The following DPH6 variants were observed in gnomAD, a reference collection of about 807,000 sequenced individuals.
DPH6 encodes the protein diphthamine biosynthesis 6.
In DPH6, 33 loss-of-function variants were observed where a neutral mutation model predicts 38.2. That is an observed-to-expected ratio of 0.86 (90% confidence interval 0.65 to 1.15). The LOEUF (loss-of-function observed/expected upper bound fraction) is 1.15. DPH6 is among the 50% of genes most tolerant of loss of function. The pLI, the probability that DPH6 is intolerant of heterozygous loss-of-function variation, is 0.00. For synonymous variants in DPH6, 108 were observed against 103.0 expected (o/e 1.05, Z -0.30); for missense variants, 325 against 320.0 (o/e 1.02, Z -0.12).
intron 3 of DPH6, among the ~76,000 whole-genome samples, chr15:35,487,658 G>T (rs2054422704): frequency 6.6e-6 from 1 of 152,252 alleles, no homozygotes; most frequent in Admixed American, 6.5e-5. Flanking sequence ...GATGGGAGGG[G>T]CTGCTGTGAA....
At chr15:35,184,857 T>C in the DPH6 span, among the ~76,000 whole-genome samples, 12 of 152,272 alleles carry the variant, frequency 7.9e-5, no homozygotes, top group African/African-American at 2.9e-4. Flanking sequence ...GGGTCAGCAT[T>C]TTACCACGCA....
chr15:35,501,740 T>A (rs1306555713), intron 3 of DPH6, among the ~76,000 whole-genome samples: 1 of 152,150 alleles, frequency 6.6e-6, no homozygotes, highest in East Asian at 1.9e-4. Context: ...ATTACCTTTC[T>A]AGAGAAAATG....
At chr15:35,288,966 A>G (rs1296003884) in intron 3 of DPH6, among the ~76,000 whole-genome samples, 1 of 152,208 alleles carries the variant, frequency 6.6e-6, no homozygotes, top group Non-Finnish European at 1.5e-5. Context: ...CCAAAAAAAG[A>G]TAGTTCTAAA....
At chr15:35,518,174 T>A (rs1362033776) in intron 3 of DPH6, among the ~76,000 whole-genome samples, 1 of 151,988 alleles carries the variant, frequency 6.6e-6, no homozygotes, top group African/African-American at 2.4e-5. Flanking sequence ...CAAACCAAAG[T>A]AAGACAAAGC....
chr15:35,501,186 CATA>C (rs767483542), intron 3 of DPH6, among the ~76,000 whole-genome samples: 112 of 152,262 alleles, frequency 7.4e-4, no homozygotes, highest in Non-Finnish European at 1.3e-3. Context: ...CCCCTAATAT[CATA>C]ATGACAATCA....
At chr15:35,436,307 A>G (rs1035883318) in intron 5 of DPH6, among the ~76,000 whole-genome samples, 1 of 151,292 alleles carries the variant, frequency 6.6e-6, no homozygotes, top group African/African-American at 2.5e-5. Context: ...TCTACTAAAA[A>G]TACAAAAAAT....
At chr15:35,469,072 A>AAAC (rs10649323) in intron 3 of DPH6, among the ~76,000 whole-genome samples, 5,782 of 149,128 alleles carry the variant, frequency 0.039, 290 homozygotes, top group African/African-American at 0.12. Context: ...CTCTGCTTCA[A>AAAC]AACAACAACA....
In DPH6 at chr15:35,371,569, A is replaced by C; in HGVS notation, c.*581T>G. ...AAAGTTTTCTAAGGTCAACATAGTT[A>C]ATACTGAAAAACAGCATTTTAAAAA... On this transcript the variant is annotated 3_prime_UTR_variant, in exon 9 of 9. Transcript: ENST00000256538. 3 of 977,834 alleles carry C rather than the reference A, an allele frequency of 3.1e-6. No homozygotes were observed. Among genetic ancestry groups the C allele is most frequent in the Non-Finnish European group, 3.6e-6 (3 of 823,080 alleles). 60.6% of individuals were successfully genotyped at this position (977,834 alleles called of 1,614,324 possible). A position where few individuals can be genotyped will look rare whatever the true frequency, so the allele number is the denominator to read the frequency against.
rs534686217 is a variant in DPH6, at chr15:35,458,687, C to T, written c.313-3867G>A. On this transcript the variant is annotated intron_variant, in intron 3 of 8. Coordinates refer to ENST00000256538, the MANE Select transcript of DPH6 (RefSeq NM_080650.4). ...GCATAAAGACAGCCAAATGAATCAC[C>T]TTGTGTCATAGCTGAAATAAAACCA... Among the ~76,000 whole-genome samples, 256 of 152,226 alleles carry T rather than the reference C, an allele frequency of 1.7e-3. 3 individuals carry two copies. In the Middle Eastern group the frequency reaches 0.017, roughly 10 times the overall value.
intron 3 of DPH6, among the ~76,000 whole-genome samples, chr15:35,268,491 T>G (rs2051798779): frequency 6.6e-6 from 1 of 151,736 alleles, no homozygotes; most frequent in African/African-American, 2.4e-5. Flanking sequence ...GTCTCCTATT[T>G]TGGGAGCCTG....
chr15:35,381,999 C>A, intron 6 of DPH6, 83 bp from the exon 7 acceptor site: 1 of 995,600 alleles, frequency 1.0e-6, no homozygotes, highest in South Asian at 1.5e-5. Context: ...ACTAAAAAAT[C>A]CATACAAAAA....
At chr15:35,237,683 C>T in intron 3 of DPH6, 1 of 1,613,662 alleles carries the variant, frequency 6.2e-7, no homozygotes, top group South Asian at 1.1e-5. Flanking sequence ...GAGCTTAGAC[C>T]TTTTCAATTG....
At chr15:35,373,693 C>T (rs1325540425) in intron 7 of DPH6, 85 bp from the exon 8 acceptor site, 2 of 1,040,718 alleles carry the variant, frequency 1.9e-6, no homozygotes, top group Admixed American at 5.1e-5. Context: ...AGAGACTAAA[C>T]ATTCTTGTTT....
intron 3 of DPH6, among the ~76,000 whole-genome samples, chr15:35,500,338 G>A (rs1462358852): frequency 6.6e-6 from 1 of 152,030 alleles, no homozygotes; most frequent in South Asian, 2.1e-4. Context: ...CTATACTCTC[G>A]CCTTGCAAAT....
intron 5 of DPH6, among the ~76,000 whole-genome samples, chr15:35,445,503 A>G (rs1217118965): frequency 4.0e-5 from 6 of 151,702 alleles, no homozygotes; most frequent in Non-Finnish European, 8.8e-5. Context: ...TTCAATACGT[A>G]TATTTGGAGA....
chr15:35,431,448 T>A lies in DPH6; in HGVS notation c.505+19237A>T, dbSNP rs184520685. 6.3e-3 allele frequency among the ~76,000 whole-genome samples: 960 copies of A among 151,988 alleles called. 5 individuals carry two copies. Among genetic ancestry groups the A allele is most frequent in the Non-Finnish European group, 9.1e-3 (619 of 67,978 alleles). On this transcript the variant is annotated intron_variant, in intron 5 of 8. Transcript: ENST00000256538. ...CGAGTGATTAAATCAGGAAAAAAAA[T>A]GTACAGATTTTGACTTTGAGTCCAG...
chr15:35,225,170 G>A (rs996756100), intron 3 of DPH6, among the ~76,000 whole-genome samples: 64 of 152,174 alleles, frequency 4.2e-4, no homozygotes, highest in Admixed American at 4.1e-3. Context: ...CTCAATCTGA[G>A]TTTATCTGAT....
At chr15:35,544,129 T>C (rs2055306463) in intron 1 of DPH6, among the ~76,000 whole-genome samples, 1 of 152,122 alleles carries the variant, frequency 6.6e-6, no homozygotes, top group Non-Finnish European at 1.5e-5. Context: ...AGGTGAGAGG[T>C]CTCACAGCTC....
chr15:35,523,561 A>G (rs994308120), intron 3 of DPH6, among the ~76,000 whole-genome samples: 2 of 152,080 alleles, frequency 1.3e-5, no homozygotes, highest in Non-Finnish European at 1.5e-5. Context: ...GATTGCAAAT[A>G]TATCTCTGAA....
Sources: gnomAD v4.1 joint callset for allele counts (sites outside exome capture counted in the v4.1 genomes callset) on GRCh38, gnomAD v4.1.1 for gene constraint, MANE v1.5 for transcripts, NCBI Gene and HGNC (gene_info 2026-07-23, HGNC 2026-07-21) for gene names.